Variants in TUSC3 observed in about 807,000 individuals in gnomAD.
The protein encoded by TUSC3 is tumor suppressor candidate 3.
A neutral mutation model predicts 44.8 loss-of-function variants in TUSC3; 45 were observed. That is an observed-to-expected ratio of 1.00 (90% CI 0.79 to 1.29). The LOEUF (loss-of-function observed/expected upper bound fraction) is 1.29. TUSC3 is among the 50% of genes most tolerant of loss of function. The pLI is 0.00. For synonymous variants in TUSC3, 212 were observed against 152.9 expected (o/e 1.39, Z -2.85); for missense variants, 519 against 437.9 (o/e 1.19, Z -1.65).
the TUSC3 span, among the ~76,000 whole-genome samples, chr8:15,779,098 C>CTTTTTTTTTTTT: frequency 8.9e-6 from 1 of 111,856 alleles, no homozygotes; most frequent in Non-Finnish European, 1.8e-5. Context: ...CGAATGTTTT[C>CTTTTTTTTTTTT]TTTTTTTTTT....
the TUSC3 span, among the ~76,000 whole-genome samples, chr8:15,795,322 C>G: frequency 1.3e-5 from 2 of 152,178 alleles, no homozygotes; most frequent in Non-Finnish European, 2.9e-5. Flanking sequence ...TCCATAACAA[C>G]CCTGGCCAGT....
chr8:15,798,031 C>T, the TUSC3 span, among the ~76,000 whole-genome samples: 3 of 152,108 alleles, frequency 2.0e-5, no homozygotes, highest in African/African-American at 7.2e-5. Context: ...ATACTATGTC[C>T]GATAGAACAC....
intron 7 of TUSC3, among the ~76,000 whole-genome samples, chr8:15,736,856 C>T (rs6993040): frequency 1.3e-5 from 2 of 152,180 alleles, no homozygotes; most frequent in South Asian, 2.1e-4. Flanking sequence ...GATATGGTCT[C>T]TCTGTATGAG....
intron 2 of TUSC3, among the ~76,000 whole-genome samples, chr8:15,484,317 A>T (rs915516304): frequency 2.6e-5 from 4 of 152,222 alleles, no homozygotes; most frequent in Non-Finnish European, 5.9e-5. Context: ...GTGTTATCAC[A>T]TTAATCTCTC....
At chr8:15,516,236 G>C (rs1036738970) in intron 2 of TUSC3, among the ~76,000 whole-genome samples, 17 of 152,230 alleles carry the variant, frequency 1.1e-4, no homozygotes, top group Admixed American at 6.5e-4. Flanking sequence ...GATATATTCA[G>C]TGTATAGTTA....
At chr8:15,713,458 C>G (rs1046829036) in intron 6 of TUSC3, among the ~76,000 whole-genome samples, 8 of 152,158 alleles carry the variant, frequency 5.3e-5, no homozygotes, top group African/African-American at 1.9e-4. Flanking sequence ...CTTAAGAAAA[C>G]TAGCAGAATT....
chr8:15,693,200 C>G (rs1232392809), intron 6 of TUSC3, among the ~76,000 whole-genome samples: 1 of 152,174 alleles, frequency 6.6e-6, no homozygotes, highest in Non-Finnish European at 1.5e-5. Flanking sequence ...TGTCATCCTA[C>G]TGTTAGCTGG....
intron 6 of TUSC3, among the ~76,000 whole-genome samples, chr8:15,704,104 G>A (rs958419397): frequency 6.6e-6 from 1 of 152,026 alleles, no homozygotes; most frequent in African/African-American, 2.4e-5. Context: ...AGAAGGTTGA[G>A]GAGAATGCTT....
upstream of TUSC3, among the ~76,000 whole-genome samples, chr8:15,539,520 T>C (rs895841430): frequency 1.3e-5 from 2 of 151,794 alleles, no homozygotes; most frequent in African/African-American, 2.4e-5. Context: ...CCGGCTACTT[T>C]TTGTATTTTT....
intron 6 of TUSC3, among the ~76,000 whole-genome samples, chr8:15,683,795 G>A (rs1383905759): frequency 6.6e-6 from 1 of 152,126 alleles, no homozygotes; most frequent in Non-Finnish European, 1.5e-5. Flanking sequence ...CTGTTGTTTT[G>A]TTGGGGCTTT....
At chr8:15,460,537 G>A (rs1297119091) in intron 1 of TUSC3, among the ~76,000 whole-genome samples, 1 of 151,972 alleles carries the variant, frequency 6.6e-6, no homozygotes, top group Admixed American at 6.6e-5. Context: ...CTTTAATTAT[G>A]TCCCAGCTAT....
At chr8:15,755,043 T>G (rs1463744282) in intron 9 of TUSC3, among the ~76,000 whole-genome samples, 1 of 152,100 alleles carries the variant, frequency 6.6e-6, no homozygotes, top group East Asian at 1.9e-4. Flanking sequence ...TATCCTATAG[T>G]CTTAAATCTT....
intron 1 of TUSC3, among the ~76,000 whole-genome samples, chr8:15,594,419 C>T (rs974952486): frequency 6.6e-6 from 1 of 151,940 alleles, no homozygotes; most frequent in Non-Finnish European, 1.5e-5. Flanking sequence ...TATTTTCCTG[C>T]TTTTTTGCAT....
At chr8:15,603,203 A>G (rs1804365381) in intron 1 of TUSC3, among the ~76,000 whole-genome samples, 1 of 151,680 alleles carries the variant, frequency 6.6e-6, no homozygotes, top group African/African-American at 2.4e-5. Flanking sequence ...CCCAATTGAA[A>G]AATAGATAAT....
intron 1 of TUSC3, among the ~76,000 whole-genome samples, chr8:15,434,900 G>A (rs536762733): frequency 1.8e-4 from 27 of 151,970 alleles, no homozygotes; most frequent in Middle Eastern, 3.4e-3. Flanking sequence ...ATTCCATGGT[G>A]TATATGTGCC....
At chr8:15,836,259 T>C in the TUSC3 span, among the ~76,000 whole-genome samples, 22 of 151,882 alleles carry the variant, frequency 1.4e-4, no homozygotes, top group African/African-American at 5.3e-4. Context: ...GTGGAATGCT[T>C]GAGGTCAGGA....
rs867858989 is a variant in TUSC3 at position 15,469,901 on chromosome 8, T to C, written n.92-13485T>C. ...GAAAGAAGCCAGTCTGAAAAGACTCTACACTATATGATTCCAACTATATGA... is the reference window on the plus strand; with the variant it reads ...GAAAGAAGCCAGTCTGAAAAGACTCCACACTATATGATTCCAACTATATGA... On this transcript the variant is annotated intron_variant and non_coding_transcript_variant, in intron 1 of 5. Coordinates refer to the TUSC3 transcript ENST00000503191. 3.7e-4 allele frequency among the ~76,000 whole-genome samples: 57 copies of C among 152,312 alleles called. 2 individuals are homozygous for C. In the South Asian group the frequency reaches 4.6e-3, roughly 12 times the overall value.
intron 10 of TUSC3, among the ~76,000 whole-genome samples, chr8:15,758,864 C>G (rs971199705): frequency 6.6e-6 from 1 of 152,092 alleles, no homozygotes; most frequent in African/African-American, 2.4e-5. Context: ...AATGACAGAT[C>G]TAAAAAGCTT....
At chr8:15,739,971 A>AGAT (rs1811118909) in intron 7 of TUSC3, among the ~76,000 whole-genome samples, 1 of 152,226 alleles carries the variant, frequency 6.6e-6, no homozygotes, top group Non-Finnish European at 1.5e-5. Context: ...GTACTGGGTA[A>AGAT]GATAGTGAAT....
Sources: allele counts gnomAD v4.1 joint callset (sites outside exome capture counted in the v4.1 genomes callset), GRCh38; gene constraint gnomAD v4.1.1; transcripts MANE v1.5; gene names NCBI Gene and HGNC (gene_info 2026-07-23, HGNC 2026-07-21).